GRXCR1: variants seen among roughly 807,000 people sequenced by gnomAD.
GRXCR1 encodes the protein glutaredoxin and cysteine rich domain containing 1.
GRXCR1 carries 27 observed loss-of-function variants against 27.3 expected under a neutral mutation model. The observed-to-expected ratio is 0.99, with a 90% confidence interval of 0.73 to 1.37. The LOEUF (loss-of-function observed/expected upper bound fraction) is 1.37, where lower values mean the gene tolerates loss of function less well. Among genes scored for constraint, GRXCR1 ranks in the 40% most tolerant of loss-of-function variants. The probability of loss-of-function intolerance (pLI) is 0.00; values close to 1 mark genes in which losing one functional copy is unlikely to be tolerated. For synonymous variants in GRXCR1, 122 were observed against 131.1 expected, an observed-to-expected ratio of 0.93 and a Z score of 0.47; for missense variants, 379 against 354.4, an observed-to-expected ratio of 1.07 and a Z score of -0.56.
chr4:42,995,855 C>A (rs1577937144), intron 2 of GRXCR1, among the ~76,000 whole-genome samples: 1 of 152,310 alleles, frequency 6.6e-6, no homozygotes, highest in Non-Finnish European at 1.5e-5. Flanking sequence ...CAGTTCTGGA[C>A]AAGGTCTGAT....
In GRXCR1 at chr4:43,024,022, A is replaced by C. The variant is rs544473977; in HGVS notation, c.693+3603A>C. Among the ~76,000 whole-genome samples, 296 of 152,230 alleles carry C rather than the reference A, an allele frequency of 1.9e-3. 1 individual carries two copies. The highest frequency in any genetic ancestry group is 6.8e-3 in the African/African-American group (284 of 41,536). On this transcript the variant is annotated intron_variant, in intron 3 of 3. Transcript: ENST00000399770. ...TGCTGGTGTCCATGCAGGGAGAGCC[A>C]GGGGAGTGCTGAGATATATTACCAT...
chr4:42,987,212 TATATATATATTATATATTATATATATATA>T (rs1711758764), intron 2 of GRXCR1, among the ~76,000 whole-genome samples: 3 of 28,086 alleles, frequency 1.1e-4, no homozygotes, highest in African/African-American at 2.3e-4. Context: ...ATATATATAT[TATATATATATTATATATTATATATATATA>T]ATATATAATA....
chr4:43,001,605 G>C (rs1211367267), intron 2 of GRXCR1, among the ~76,000 whole-genome samples: 1 of 152,130 alleles, frequency 6.6e-6, no homozygotes, highest in Non-Finnish European at 1.5e-5. Context: ...TAGCTTCTTT[G>C]TAATTGTGTG....
At chr4:42,935,445 C>T (rs1167225978) in intron 1 of GRXCR1, among the ~76,000 whole-genome samples, 1 of 151,734 alleles carries the variant, frequency 6.6e-6, no homozygotes, top group Non-Finnish European at 1.5e-5. Context: ...TGATTAGGGT[C>T]TGGACAAATG....
chr4:42,974,440 C>G (rs966489356), intron 2 of GRXCR1, among the ~76,000 whole-genome samples: 2 of 152,074 alleles, frequency 1.3e-5, no homozygotes, highest in Non-Finnish European at 2.9e-5. Context: ...AATCTTGTAA[C>G]AGGGTCTAGG....
At chr4:42,962,866 C>G in intron 1 of GRXCR1, 26 bp from the exon 2 acceptor site, 1 of 1,611,396 alleles carries the variant, frequency 6.2e-7, no homozygotes, top group East Asian at 2.2e-5. Flanking sequence ...AGCAAACATT[C>G]TTACAACTCA....
chr4:42,912,081 T>G (rs1459259401), intron 1 of GRXCR1, among the ~76,000 whole-genome samples: 2 of 152,088 alleles, frequency 1.3e-5, no homozygotes, highest in African/African-American at 4.8e-5. Context: ...CCTGGATAAT[T>G]GACATTTAAT....
chr4:42,994,194 A>C (rs1360795517), intron 2 of GRXCR1, among the ~76,000 whole-genome samples: 1 of 152,130 alleles, frequency 6.6e-6, no homozygotes, highest in Non-Finnish European at 1.5e-5. Flanking sequence ...GAGGACTATA[A>C]GTCATGTGCA....
intron 2 of GRXCR1, among the ~76,000 whole-genome samples, chr4:42,991,829 C>T (rs1054994991): frequency 1.3e-5 from 2 of 152,018 alleles, no homozygotes; most frequent in Non-Finnish European, 2.9e-5. Context: ...ATTTTCAATC[C>T]CTTGGAGACA....
intron 2 of GRXCR1, among the ~76,000 whole-genome samples, chr4:42,965,921 C>T (rs1367925249): frequency 1.3e-5 from 2 of 151,748 alleles, no homozygotes; most frequent in Non-Finnish European, 2.9e-5. Flanking sequence ...TTATCTTCAT[C>T]GAAGTGAAAA....
rs1034604030 is a variant in GRXCR1 at position 42,903,057 on chromosome 4, A to G, written c.384+9407A>G. Among the ~76,000 whole-genome samples the G allele has an allele frequency of 2.6e-5, 4 of 151,686 alleles. No individual in the cohort carries two copies. The South Asian group carries it at 8.3e-4, about 32-fold the overall frequency. On this transcript the variant is annotated intron_variant, in intron 1 of 3. Transcript: ENST00000399770. ...AATAATCCAGCACTGGGCTTCTAGA[A>G]CTCAGGAGGTTTCATGTGAAACCCA... is the stretch of plus-strand genomic sequence containing the variant.
At chr4:42,916,729 C>T (rs144846252) in intron 1 of GRXCR1, among the ~76,000 whole-genome samples, 61 of 152,014 alleles carry the variant, frequency 4.0e-4, no homozygotes, top group African/African-American at 1.3e-3. Flanking sequence ...AGCCATTTTC[C>T]CCAATGTAAT....
rs62297782 is a variant in GRXCR1 at position 42,987,002 on chromosome 4, A to G, written c.627+23868A>G. 6.9e-3 allele frequency among the ~76,000 whole-genome samples: 971 copies of G among 140,892 alleles called. 10 individuals carry two copies. Among genetic ancestry groups the G allele is most frequent in the African/African-American group, 0.024 (924 of 38,134 alleles). 92.4% of individuals were successfully genotyped at this position (140,892 alleles called of 152,430 possible). On this transcript the variant is annotated intron_variant, in intron 2 of 3. Transcript: ENST00000399770. Reference sequence around the variant, plus strand: ...GGCTCAAAATTTAAGAGATATGTGTATGTGTGTGTGTGTGTGTGTGTGTGT... The same window carrying G: ...GGCTCAAAATTTAAGAGATATGTGTGTGTGTGTGTGTGTGTGTGTGTGTGT...
Position 42,893,590 on chromosome 4 carries a change from C to T in GRXCR1, c.324C>T (p.Gly108=), listed in dbSNP as rs764108411. Residue 108 remains glycine, a synonymous_variant, in exon 1 of 4, where the codon GGC becomes GGT. Transcript: ENST00000399770. ...NILSKNGTVR[G]VKYKVSAGQA... ...TAAGCAAAAATGGCACAGTCAGAGGCGTCAAATACAAAGTGAGTGCTGGCC... is the reference window on the plus strand; with the variant it reads ...TAAGCAAAAATGGCACAGTCAGAGGTGTCAAATACAAAGTGAGTGCTGGCC... 22 of 1,613,504 alleles carry T rather than the reference C, an allele frequency of 1.4e-5. No individual in the cohort carries two copies. The highest frequency in any genetic ancestry group is 1.8e-5 in the Non-Finnish European group (21 of 1,179,642).
intron 2 of GRXCR1, among the ~76,000 whole-genome samples, chr4:42,988,316 A>G (rs1480939272): frequency 6.6e-6 from 1 of 152,234 alleles, no homozygotes; most frequent in African/African-American, 2.4e-5. Flanking sequence ...GCACTGATGC[A>G]GAGTGACACC....
chr4:42,928,910 G>C (rs1219893872), intron 1 of GRXCR1, among the ~76,000 whole-genome samples: 24 of 151,956 alleles, frequency 1.6e-4, no homozygotes, highest in Admixed American at 1.4e-3. Context: ...TTAGTCCTTT[G>C]CTGTCTCTAA....
chr4:42,975,973 C>T (rs2109782024), intron 2 of GRXCR1, among the ~76,000 whole-genome samples: 1 of 152,216 alleles, frequency 6.6e-6, no homozygotes, highest in South Asian at 2.1e-4. Context: ...ACCCAAGGAA[C>T]AGCTTCACGT....
chr4:42,948,932 A>G (rs1054214633), intron 1 of GRXCR1, among the ~76,000 whole-genome samples: 3 of 152,170 alleles, frequency 2.0e-5, no homozygotes, highest in Admixed American at 2.0e-4. Flanking sequence ...TGTCCATTGA[A>G]ACCCATATGA....
intron 1 of GRXCR1, among the ~76,000 whole-genome samples, chr4:42,930,108 C>T (rs998019118): frequency 1.3e-5 from 2 of 151,974 alleles, no homozygotes; most frequent in Admixed American, 1.3e-4. Context: ...CACATCCTGG[C>T]TATTATCACC....
Sources: allele counts gnomAD v4.1 joint callset (sites outside exome capture counted in the v4.1 genomes callset), GRCh38; gene constraint gnomAD v4.1.1; transcripts MANE v1.5; gene names NCBI Gene and HGNC (gene_info 2026-07-23, HGNC 2026-07-21).